Variants in MAN1A2 observed in about 807,000 individuals in gnomAD.
MAN1A2 encodes mannosidase alpha class 1A member 2.
In MAN1A2, 26 loss-of-function variants were observed where a neutral mutation model predicts 75.7. The observed-to-expected ratio is 0.34, with a 90% CI of 0.25 to 0.48. MAN1A2 has a LOEUF of 0.48. Ranked by LOEUF, MAN1A2 falls within the 20% of genes least tolerant of loss-of-function variation. MAN1A2 has a pLI of 0.99. For missense variants in MAN1A2, 562 were observed against 775.5 expected (o/e 0.72, Z 3.27); for synonymous variants, 247 against 264.6 (o/e 0.93, Z 0.65).
At chr1:117,425,616 A>G (rs1049056341) in intron 5 of MAN1A2, among the ~76,000 whole-genome samples, 1 of 152,248 alleles carries the variant, frequency 6.6e-6, no homozygotes, top group African/African-American at 2.4e-5. Flanking sequence ...ATCTTATTAC[A>G]TAACCACAGA....
Position 117,405,407 on chromosome 1 carries a change from A to T in MAN1A2, c.559-142A>T, listed in dbSNP as rs1208717208. 7.9e-6 allele frequency: 5 copies of T among 632,674 alleles called. No homozygotes were observed. The East Asian group carries it at 1.4e-4, about 18-fold the overall frequency. 39.2% of individuals were successfully genotyped at this position (632,674 alleles called of 1,614,324 possible). ...CATAGTTATGTATGTTTTCATACTG[A>T]TACAAATGCTAATTGAATAATGTAC... On this transcript the variant is annotated intron_variant, in intron 2 of 12. Transcript: ENST00000356554.
At chr1:117,408,832 A>G (rs1415802306) in intron 3 of MAN1A2, among the ~76,000 whole-genome samples, 1 of 151,934 alleles carries the variant, frequency 6.6e-6, no homozygotes, top group Non-Finnish European at 1.5e-5. Flanking sequence ...AGTAAGGACC[A>G]TTCAGTTTAT....
chr1:117,468,018 T>C (rs1650033282), intron 8 of MAN1A2, among the ~76,000 whole-genome samples: 2 of 152,140 alleles, frequency 1.3e-5, no homozygotes, highest in Admixed American at 1.3e-4. Flanking sequence ...AGTTTTCCTG[T>C]ATATTATTGT....
At chr1:117,417,279 T>C (rs1209575515) in intron 4 of MAN1A2, among the ~76,000 whole-genome samples, 3 of 151,946 alleles carry the variant, frequency 2.0e-5, no homozygotes, top group Non-Finnish European at 4.4e-5. Flanking sequence ...AGTATGTATT[T>C]GGGTTTTGTT....
Position 117,523,123 on chromosome 1 carries a change from A to G in MAN1A2, c.*166A>G, listed in dbSNP as rs2101036306. On this transcript the variant is annotated 3_prime_UTR_variant, in exon 13 of 13. Transcript: ENST00000356554. Reference sequence around the variant, plus strand: ...AACTTGTAGATACATCAACTTTGAAATTATTCCATTTTATACCTGACCAAA... The same window carrying G: ...AACTTGTAGATACATCAACTTTGAAGTTATTCCATTTTATACCTGACCAAA... The G allele has an allele frequency of 1.3e-6, 1 of 764,352 alleles. No individual in the cohort carries two copies. The highest frequency in any genetic ancestry group is 2.3e-6 in the Non-Finnish European group (1 of 438,632). The allele number at this position is 764,352 out of a possible 1,614,324, so 47.3% of individuals were successfully genotyped here.
chr1:117,402,112 T>A, intron 1 of MAN1A2, 74 bp from the exon 2 acceptor site: 1 of 1,440,066 alleles, frequency 6.9e-7, no homozygotes, highest in Non-Finnish European at 9.4e-7. Flanking sequence ...GGAGAAACCT[T>A]TATGTTTTAT....
At chr1:117,495,000 G>C (rs1039798126) in intron 9 of MAN1A2, 1 of 151,320 alleles carries the variant, frequency 6.6e-6, no homozygotes, top group East Asian at 1.9e-4. Flanking sequence ...AATTAATTTT[G>C]TCTGTTTTCT....
At chr1:117,410,599 G>C (rs1309449176) in intron 3 of MAN1A2, among the ~76,000 whole-genome samples, 1 of 149,642 alleles carries the variant, frequency 6.7e-6, no homozygotes, top group African/African-American at 2.5e-5. Context: ...CCTAGCCAGT[G>C]CACTAAGGCA....
intron 6 of MAN1A2, among the ~76,000 whole-genome samples, chr1:117,458,506 T>TAG (rs570600901): frequency 0.011 from 1,093 of 100,810 alleles, 25 homozygotes; most frequent in African/African-American, 0.041. Flanking sequence ...TCTATATATA[T>TAG]ATATAGATAT....
chr1:117,414,755 C>T lies in MAN1A2; in HGVS notation c.698C>T (p.Thr233Ile). ...MGATIVDALD[T>I]LYIMGLHDEF... ...GCTACCATAGTAGATGCTTTGGATACCCTTTATATCATGGGACTTCATGAT... is the reference window on the plus strand; with the variant it reads ...GCTACCATAGTAGATGCTTTGGATATCCTTTATATCATGGGACTTCATGAT... The change falls in exon 4 of 13, where the codon ACC becomes ATC. Residue 233 changes from threonine (T) to isoleucine (I), a missense_variant. Physicochemically the swap from Thr to Ile is moderately conservative, Grantham distance 89 (BLOSUM62 -1). Coordinates refer to ENST00000356554, the MANE Select transcript of MAN1A2 (RefSeq NM_006699.5). The T allele has an allele frequency of 6.2e-7, 1 of 1,609,848 alleles. No individual in the cohort carries two copies. The highest frequency in any genetic ancestry group is 8.5e-7 in the Non-Finnish European group (1 of 1,176,936).
At chr1:117,371,844 G>T (rs1652974203) in intron 1 of MAN1A2, among the ~76,000 whole-genome samples, 1 of 149,986 alleles carries the variant, frequency 6.7e-6, no homozygotes, top group South Asian at 2.1e-4. Context: ...AAAATTAGAG[G>T]TTATGGCAAC....
At chr1:117,453,861 A>G (rs1163910424) in intron 6 of MAN1A2, among the ~76,000 whole-genome samples, 3 of 152,160 alleles carry the variant, frequency 2.0e-5, no homozygotes, top group African/African-American at 7.2e-5. Context: ...ATCAATCAAT[A>G]CAGCAGACTT....
rs1169660670 is a variant in MAN1A2, at chr1:117,496,908, C to G, written c.1430C>G (p.Ala477Gly). ...GCACTAGGAGCAGATGGTTCCAGAG[C>G]AGATAAAGCTGGTCATTATTTAGAG... is the stretch of plus-strand genomic sequence containing the variant. The part of the protein sequence containing the change: ...MFALGADGSR[A>G]DKAGHYLELG... The change falls in exon 10 of 13, where the codon GCA becomes GGA. Residue 477 changes from alanine (A) to glycine (G), a missense_variant. Coordinates refer to ENST00000356554, the MANE Select transcript of MAN1A2 (RefSeq NM_006699.5). The G allele has an allele frequency of 1.2e-6, 2 of 1,612,486 alleles. No individual in the cohort carries two copies. Among genetic ancestry groups the G allele is most frequent in the East Asian group, 4.5e-5 (2 of 44,706 alleles).
chr1:117,466,540 C>T, intron 8 of MAN1A2, 113 bp downstream of exon 8: 1 of 608,062 alleles, frequency 1.6e-6, no homozygotes, highest in East Asian at 3.1e-5. Flanking sequence ...AGTGTCTAAC[C>T]TTGTGGTCTG....
intron 1 of MAN1A2, among the ~76,000 whole-genome samples, chr1:117,385,868 A>G (rs1311605561): frequency 1.3e-5 from 2 of 152,208 alleles, no homozygotes; most frequent in African/African-American, 2.4e-5. Flanking sequence ...GAAGCCAGAT[A>G]CACAGAACCA....
Position 117,528,413 on chromosome 1 carries a change from G to A in MAN1A2, c.*5456G>A, listed in dbSNP as rs1365956967. ...TCCAACATGCTGTCAGGTTGCTTCAGCTCGGTGTGAATGTAAGTGTGGGGA... is the reference window on the plus strand; with the variant it reads ...TCCAACATGCTGTCAGGTTGCTTCAACTCGGTGTGAATGTAAGTGTGGGGA... On this transcript the variant is annotated 3_prime_UTR_variant, in exon 13 of 13. Transcript: ENST00000356554. 6.6e-6 allele frequency: 1 copy of A among 151,964 alleles called. No individual in the cohort carries two copies. Among genetic ancestry groups the A allele is most frequent in the Non-Finnish European group, 1.5e-5 (1 of 67,994 alleles). 9.4% of individuals were successfully genotyped at this position (151,964 alleles called of 1,614,324 possible).
chr1:117,446,603 C>G (rs1649243922), intron 6 of MAN1A2, among the ~76,000 whole-genome samples: 1 of 151,868 alleles, frequency 6.6e-6, no homozygotes, highest in African/African-American at 2.4e-5. Flanking sequence ...TCTTAGATAT[C>G]TTATTGTTTT....
rs1177642304 is a variant in MAN1A2 at position 117,517,353 on chromosome 1, T to G, written c.1794-5472T>G. ...TATGAAAATAAAACCAACTTAGAAC[T>G]GATAAAGATGTTAGAATTAGTAGAC... On this transcript the variant is annotated intron_variant, in intron 12 of 12. Coordinates refer to ENST00000356554, the MANE Select transcript of MAN1A2 (RefSeq NM_006699.5). Among the ~76,000 whole-genome samples the G allele has an allele frequency of 3.3e-5, 5 of 152,284 alleles. No homozygotes were observed. In the South Asian group the frequency reaches 6.2e-4, roughly 19 times the overall value.
chr1:117,477,000 T>G (rs920357284), intron 8 of MAN1A2, among the ~76,000 whole-genome samples: 1 of 152,082 alleles, frequency 6.6e-6, no homozygotes, highest in African/African-American at 2.4e-5. Flanking sequence ...GCATGGAATG[T>G]TTTTCGATTT....
Sources: gnomAD v4.1 joint callset for allele counts (sites outside exome capture counted in the v4.1 genomes callset) on GRCh38, gnomAD v4.1.1 for gene constraint, MANE v1.5 for transcripts, NCBI Gene and HGNC (gene_info 2026-07-23, HGNC 2026-07-21) for gene names.